Variants in TMIGD1 observed in about 807,000 individuals in gnomAD.
TMIGD1 encodes the protein transmembrane and immunoglobulin domain-containing protein 1.
Under a neutral mutation model 27.5 loss-of-function variants are expected in TMIGD1, and 29 were observed. That is an observed-to-expected ratio of 1.05 (90% CI 0.78 to 1.44). The LOEUF (loss-of-function observed/expected upper bound fraction) is 1.44. Among genes scored for constraint, TMIGD1 ranks in the 40% most tolerant of loss-of-function variants. TMIGD1 has a pLI of 0.00. For missense variants in TMIGD1, 334 were observed against 310.6 expected (o/e 1.08, Z -0.57); for synonymous variants, 109 against 110.3 (o/e 0.99, Z 0.07).
At chr17:30,321,151 C>G (rs1038922326) in intron 4 of TMIGD1, among the ~76,000 whole-genome samples, 1 of 151,634 alleles carries the variant, frequency 6.6e-6, no homozygotes, top group African/African-American at 2.4e-5. Flanking sequence ...AGCCACCATG[C>G]CTGGCCAACC....
At chr17:30,325,971 T>C (rs1909761719) in intron 3 of TMIGD1, among the ~76,000 whole-genome samples, 1 of 152,080 alleles carries the variant, frequency 6.6e-6, no homozygotes. Flanking sequence ...AGAATAGTAA[T>C]GAAATGGTTG....
chr17:30,316,505 C>T lies in TMIGD1; in HGVS notation c.*182G>A. 2 of 583,900 alleles carry T rather than the reference C, an allele frequency of 3.4e-6. No individual in the cohort carries two copies. Among genetic ancestry groups the T allele is most frequent in the Non-Finnish European group, 6.0e-6 (2 of 334,732 alleles). The allele number at this position is 583,900 out of a possible 1,614,324, so 36.2% of individuals were successfully genotyped here. A position where few individuals can be genotyped will look rare whatever the true frequency, so the allele number is the denominator to read the frequency against. ...AAATCTTACTTTTCATTCTTAATAGCTCTTTCCATAAAAATGTTCCACAAG... is the reference window on the plus strand; with the variant it reads ...AAATCTTACTTTTCATTCTTAATAGTTCTTTCCATAAAAATGTTCCACAAG... On this transcript the variant is annotated 3_prime_UTR_variant, in exon 7 of 7. Transcript: ENST00000328886.
At chr17:30,328,305 G>A (rs1567850958) in intron 3 of TMIGD1, among the ~76,000 whole-genome samples, 3 of 151,846 alleles carry the variant, frequency 2.0e-5, no homozygotes, top group Admixed American at 2.0e-4. Context: ...CAAAGTGTTG[G>A]GATTACACAC....
intron 2 of TMIGD1, among the ~76,000 whole-genome samples, chr17:30,330,011 G>A (rs1437881905): frequency 1.3e-5 from 2 of 152,094 alleles, no homozygotes; most frequent in East Asian, 1.9e-4. Flanking sequence ...CTTGAGCCCA[G>A]GAGGTGGAGG....
intron 4 of TMIGD1, among the ~76,000 whole-genome samples, chr17:30,323,361 G>A (rs936775369): frequency 2.0e-5 from 3 of 152,104 alleles, no homozygotes; most frequent in Non-Finnish European, 4.4e-5. Flanking sequence ...CTGTGATGTC[G>A]TTTGTAGCTT....
intron 2 of TMIGD1, 45 bp downstream of exon 2, chr17:30,332,007 A>C (rs1020474032): frequency 3.0e-5 from 42 of 1,406,770 alleles, no homozygotes; most frequent in Non-Finnish European, 3.6e-5. Context: ...CTTAATCGGA[A>C]ATTTTTCTTT....
At chr17:30,326,111 G>A (rs534541419) in intron 3 of TMIGD1, among the ~76,000 whole-genome samples, 21 of 152,210 alleles carry the variant, frequency 1.4e-4, no homozygotes, top group Admixed American at 3.9e-4. Flanking sequence ...ATGACATTTT[G>A]TTGCTCTTTG....
intron 3 of TMIGD1, among the ~76,000 whole-genome samples, chr17:30,328,786 G>A (rs149066282): frequency 1.3e-3 from 196 of 151,782 alleles, no homozygotes; most frequent in African/African-American, 4.2e-3. Context: ...TGAACCCCCC[G>A]TCTCTACTAA....
At chr17:30,331,109 C>A (rs1038061264) in intron 2 of TMIGD1, among the ~76,000 whole-genome samples, 1 of 152,122 alleles carries the variant, frequency 6.6e-6, no homozygotes, top group African/African-American at 2.4e-5. Flanking sequence ...GCAGGAGAAT[C>A]ACTTGAACCT....
chr17:30,318,784 T>A, intron 5 of TMIGD1, 26 bp downstream of exon 5: 1 of 1,540,334 alleles, frequency 6.5e-7, no homozygotes, highest in Non-Finnish European at 9.0e-7. Flanking sequence ...GGCTTTTTAC[T>A]TAAATAGCTC....
At chr17:30,321,568 C>T (rs1909622265) in intron 4 of TMIGD1, among the ~76,000 whole-genome samples, 1 of 152,092 alleles carries the variant, frequency 6.6e-6, no homozygotes, top group South Asian at 2.1e-4. Flanking sequence ...AAAAATAGGA[C>T]AGGTGTAGAA....
Position 30,325,097 on chromosome 17 carries a change from G to A in TMIGD1, c.362-3C>T, listed in dbSNP as rs189251825. 4.0e-5 allele frequency: 65 copies of A among 1,606,350 alleles called. No homozygotes were observed. In the Middle Eastern group the frequency reaches 5.0e-4, roughly 12 times the overall value. ...GTTTCCACTTAGGAGAGGAGGAACTGCAAGACTCAAGCATTTAGATTTAAT... is the reference window on the plus strand; with the variant it reads ...GTTTCCACTTAGGAGAGGAGGAACTACAAGACTCAAGCATTTAGATTTAAT... On this transcript the variant is annotated splice_region_variant and splice_polypyrimidine_tract_variant and intron_variant, in intron 3 of 6. Coordinates refer to ENST00000328886, the MANE Select transcript of TMIGD1 (RefSeq NM_206832.3).
intron 3 of TMIGD1, among the ~76,000 whole-genome samples, chr17:30,327,051 CA>C (rs1909806568): frequency 6.8e-6 from 1 of 147,788 alleles, no homozygotes; most frequent in African/African-American, 2.6e-5. Context: ...ACTATACACA[CA>C]CACACACACA....
At position 30,329,255 on chromosome 17, in the gene TMIGD1, A is replaced by G. The variant is rs374815573; in HGVS notation, c.357T>C (p.Val119=). 2 of 1,612,406 alleles carry G rather than the reference A, an allele frequency of 1.2e-6. No homozygotes were observed. Among genetic ancestry groups the G allele is most frequent in the Non-Finnish European group, 1.7e-6 (2 of 1,178,546 alleles). Residue 119 remains valine, a synonymous_variant, in exon 3 of 7, where the codon GTT becomes GTC. Coordinates refer to ENST00000328886, the MANE Select transcript of TMIGD1 (RefSeq NM_206832.3). ...GTTTCTTTTCCCCTCACTCACAAGT[A>G]ACATTCAGCACCACCGAAACGGACA... ...QSVSVSVVLN[V]TFPPLLSGND... is the part of the protein sequence containing the mutation.
intron 1 of TMIGD1, among the ~76,000 whole-genome samples, chr17:30,333,429 A>G (rs1209600896): frequency 5.3e-5 from 8 of 152,074 alleles, no homozygotes; most frequent in Non-Finnish European, 1.5e-5. Context: ...CGACAGAGTG[A>G]GGCTCGGTCT....
intron 5 of TMIGD1, among the ~76,000 whole-genome samples, chr17:30,318,190 G>T (rs1229944943): frequency 6.6e-6 from 1 of 152,234 alleles, no homozygotes; most frequent in African/African-American, 2.4e-5. Context: ...AGACATGGCT[G>T]CCCTGTTGCT....
In TMIGD1 at chr17:30,319,238, T is replaced by TA. The variant is rs1344600635; in HGVS notation, c.641-326dup. Among the ~76,000 whole-genome samples the TA allele has an allele frequency of 8.7e-4, 44 of 50,460 alleles. 2 individuals carry two copies. Among genetic ancestry groups the TA allele is most frequent in the Admixed American group, 5.9e-3 (30 of 5,092 alleles). 33.1% of individuals were successfully genotyped at this position (50,460 alleles called of 152,430 possible). A position where few individuals can be genotyped will look rare whatever the true frequency, so the allele number is the denominator to read the frequency against. On this transcript the variant is annotated intron_variant, in intron 4 of 6. Transcript: ENST00000328886. ...GGCCCACATGGTGAAACCCCATCTG[T>TA]AAAAAAAAAAGAAAAAAAAAAAAAT...
In TMIGD1 at chr17:30,330,046, T is replaced by C. The variant is rs988582560; in HGVS notation, c.83-517A>G. Among the ~76,000 whole-genome samples the C allele has an allele frequency of 7.9e-5, 12 of 152,128 alleles. 1 individual carries two copies. The East Asian group carries it at 2.3e-3, about 29-fold the overall frequency. On this transcript the variant is annotated intron_variant, in intron 2 of 6. Transcript: ENST00000328886. ...GTTGCAGTGAGCCAAGATCGCACCATTGAACTCCAGTCTGGGTGATAGAGC... is the reference window on the plus strand; with the variant it reads ...GTTGCAGTGAGCCAAGATCGCACCACTGAACTCCAGTCTGGGTGATAGAGC...
At position 30,329,304 on chromosome 17, in the gene TMIGD1, C is replaced by CA. The variant is rs746634288; in HGVS notation, c.307dup (p.Cys103LeufsTer32). 2 of 1,614,072 alleles carry CA rather than the reference C, an allele frequency of 1.2e-6. No individual in the cohort carries two copies. Among genetic ancestry groups the CA allele is most frequent in the East Asian group, 4.5e-5 (2 of 44,874 alleles). On this transcript the variant is annotated frameshift_variant, in exon 3 of 7. Transcript: ENST00000328886. LOFTEE classifies it high-confidence loss of function. ...CACGGACTGATCCCTCCCCAGCCTGCAGGTAAAGCTGATTCCGTTGTCATT... is the reference window on the plus strand; with the variant it reads ...CACGGACTGATCCCTCCCCAGCCTGCAAGGTAAAGCTGATTCCGTTGTCATT...
Sources: gnomAD v4.1 joint callset for allele counts (sites outside exome capture counted in the v4.1 genomes callset) on GRCh38, gnomAD v4.1.1 for gene constraint, MANE v1.5 for transcripts, NCBI Gene and HGNC (gene_info 2026-07-23, HGNC 2026-07-21) for gene names.